NEGR1: variants seen among roughly 807,000 people sequenced by gnomAD.
The protein encoded by NEGR1 is neuronal growth regulator 1.
NEGR1 carries 10 observed loss-of-function variants against 40.9 expected under a neutral mutation model. The observed-to-expected ratio is 0.24, with a 90% CI of 0.15 to 0.42. NEGR1 has a LOEUF of 0.42. Ranked by LOEUF, NEGR1 falls within the 10% of genes least tolerant of loss-of-function variation. The pLI is 1.00. For missense variants in NEGR1, 352 were observed against 438.9 expected (o/e 0.80, Z 1.77); for synonymous variants, 185 against 166.8 (o/e 1.11, Z -0.84).
At chr1:71,533,110 T>A (rs1339570890) in intron 6 of NEGR1, among the ~76,000 whole-genome samples, 1 of 151,550 alleles carries the variant, frequency 6.6e-6, no homozygotes, top group Admixed American at 6.6e-5. Flanking sequence ...ACTTTGATAT[T>A]AGGCCATCTT....
At chr1:72,171,716 C>T (rs1026674119) in intron 1 of NEGR1, among the ~76,000 whole-genome samples, 10 of 152,212 alleles carry the variant, frequency 6.6e-5, no homozygotes, top group Middle Eastern at 6.8e-3. Flanking sequence ...TTTGAGTAAA[C>T]TATTCAGAAT....
At chr1:72,153,817 C>T (rs1208568524) in intron 1 of NEGR1, among the ~76,000 whole-genome samples, 2 of 151,896 alleles carry the variant, frequency 1.3e-5, no homozygotes, top group Non-Finnish European at 2.9e-5. Flanking sequence ...GGAATAAAAT[C>T]TACTAACTCA....
In NEGR1 at chr1:71,452,804, AC is replaced by A. The variant is rs773673675; in HGVS notation, c.941-45235del. Among the ~76,000 whole-genome samples the A allele has an allele frequency of 7.8e-3, 180 of 23,212 alleles. 1 individual carries two copies. The highest frequency in any genetic ancestry group is 0.025 in the Non-Finnish European group (128 of 5,110). 15.2% of individuals were successfully genotyped at this position (23,212 alleles called of 152,430 possible). A position where few individuals can be genotyped will look rare whatever the true frequency, so the allele number is the denominator to read the frequency against. On this transcript the variant is annotated intron_variant, in intron 6 of 6. Transcript: ENST00000357731. ...AAGTACAGTAATTGCAAACAAAGAA[AC>A]AAAAAAAAACCAAAAAAAAAACACA...
intron 6 of NEGR1, among the ~76,000 whole-genome samples, chr1:71,561,418 AT>A (rs982466765): frequency 7.3e-5 from 11 of 151,306 alleles, no homozygotes; most frequent in African/African-American, 2.4e-4. Context: ...CTTAAAAGGG[AT>A]TTTTTTTGGC....
intron 4 of NEGR1, among the ~76,000 whole-genome samples, chr1:71,662,248 T>C (rs1439565636): frequency 1.3e-5 from 2 of 152,160 alleles, no homozygotes; most frequent in African/African-American, 2.4e-5. Flanking sequence ...TCACAATAAT[T>C]GGGAAAGAAT....
intron 2 of NEGR1, among the ~76,000 whole-genome samples, chr1:71,812,111 T>A (rs1008027680): frequency 6.6e-6 from 1 of 152,012 alleles, no homozygotes; most frequent in African/African-American, 2.4e-5. Context: ...TGTGTTCTCA[T>A]TGTTCAGCTC....
At chr1:71,486,960 G>GTT (rs1333024248) in intron 6 of NEGR1, 1 of 151,424 alleles carries the variant, frequency 6.6e-6, no homozygotes, top group Non-Finnish European at 1.5e-5. Context: ...AGAGAACTGT[G>GTT]TTTACTTGAT....
chr1:71,861,229 A>G (rs1428073520), intron 2 of NEGR1, among the ~76,000 whole-genome samples: 5 of 152,064 alleles, frequency 3.3e-5, no homozygotes, highest in Admixed American at 6.6e-5. Context: ...AATGACTCAT[A>G]TAAAATGATG....
intron 3 of NEGR1, among the ~76,000 whole-genome samples, chr1:71,720,206 T>C (rs912736659): frequency 3.9e-5 from 6 of 152,190 alleles, no homozygotes; most frequent in African/African-American, 9.7e-5. Context: ...AATGTTGTAA[T>C]AGTGTATAGA....
At chr1:72,098,405 CCTT>C (rs1247713351) in intron 1 of NEGR1, among the ~76,000 whole-genome samples, 1 of 152,266 alleles carries the variant, frequency 6.6e-6, no homozygotes, top group South Asian at 2.1e-4. Context: ...ATTTTTCTGT[CCTT>C]CTGCCAAACA....
At chr1:71,584,195 C>T (rs1649226822) in intron 6 of NEGR1, among the ~76,000 whole-genome samples, 2 of 152,282 alleles carry the variant, frequency 1.3e-5, no homozygotes, top group East Asian at 1.9e-4. Context: ...AAACCCTGTC[C>T]ACACTGAATA....
chr1:72,054,312 C>T (rs1248499595), intron 1 of NEGR1, among the ~76,000 whole-genome samples: 1 of 151,278 alleles, frequency 6.6e-6, no homozygotes, highest in African/African-American at 2.4e-5. Flanking sequence ...ACATCTATAG[C>T]TGTATCTTAG....
chr1:72,086,377 T>C (rs1414232300), intron 1 of NEGR1, among the ~76,000 whole-genome samples: 1 of 152,216 alleles, frequency 6.6e-6, no homozygotes, highest in Non-Finnish European at 1.5e-5. Context: ...TTTTGCACGT[T>C]GTTTGTTTCT....
intron 6 of NEGR1, among the ~76,000 whole-genome samples, chr1:71,561,733 G>A (rs952297509): frequency 6.6e-6 from 1 of 151,648 alleles, no homozygotes; most frequent in East Asian, 1.9e-4. Context: ...TGTATGGCCA[G>A]ATATGTTGAG....
At chr1:71,845,958 C>T (rs1237975401) in intron 2 of NEGR1, among the ~76,000 whole-genome samples, 1 of 131,210 alleles carries the variant, frequency 7.6e-6, no homozygotes, top group Non-Finnish European at 1.6e-5. Context: ...AGATGAGGGT[C>T]TCACTATGTT....
At chr1:71,840,848 C>T (rs1396756166) in intron 2 of NEGR1, among the ~76,000 whole-genome samples, 2 of 152,088 alleles carry the variant, frequency 1.3e-5, no homozygotes, top group East Asian at 1.9e-4. Context: ...AAGTAGATTG[C>T]CTTTTATAAT....
At chr1:72,242,471 G>C (rs1194263) in intron 1 of NEGR1, among the ~76,000 whole-genome samples, 66,987 of 151,074 alleles carry the variant, frequency 0.44, 15,227 homozygotes, top group Non-Finnish European at 0.48. Flanking sequence ...TATGCATAGC[G>C]ACTCAATAAA....
At chr1:71,457,499 G>A (rs1646681801) in intron 6 of NEGR1, among the ~76,000 whole-genome samples, 1 of 152,120 alleles carries the variant, frequency 6.6e-6, no homozygotes, top group Non-Finnish European at 1.5e-5. Flanking sequence ...CAGGGATTAT[G>A]CAAGGTCCTA....
At chr1:71,493,792 C>T (rs1646944890) in intron 6 of NEGR1, among the ~76,000 whole-genome samples, 1 of 152,140 alleles carries the variant, frequency 6.6e-6, no homozygotes, top group Non-Finnish European at 1.5e-5. Flanking sequence ...AACAAAACTT[C>T]TCTCCCTGAG....
Sources: gnomAD v4.1 joint callset for allele counts (sites outside exome capture counted in the v4.1 genomes callset) on GRCh38, gnomAD v4.1.1 for gene constraint, MANE v1.5 for transcripts, NCBI Gene and HGNC (gene_info 2026-07-23, HGNC 2026-07-21) for gene names.